The following CYRIB variants were observed in gnomAD, a reference collection of about 807,000 sequenced individuals.
The protein encoded by CYRIB is CYFIP related Rac1 interactor B, also known as CYFIP-related Rac1 interactor B.
CYRIB carries 8 observed loss-of-function variants against 44.2 expected under a neutral mutation model. The ratio of observed to expected loss-of-function variants is 0.18; its 90% CI spans 0.11 to 0.33. The LOEUF (loss-of-function observed/expected upper bound fraction) is 0.33. Ranked by LOEUF, CYRIB falls within the 10% of genes least tolerant of loss-of-function variation. The pLI, the probability that CYRIB is intolerant of heterozygous loss-of-function variation, is 1.00. For synonymous variants in CYRIB, 131 were observed against 127.2 expected, an observed-to-expected ratio of 1.03 and a Z score of -0.20; for missense variants, 185 against 382.8, an observed-to-expected ratio of 0.48 and a Z score of 4.31.
intron 1 of CYRIB, among the ~76,000 whole-genome samples, chr8:130,004,761 ATTTTTTTT>A (rs775327457): frequency 1.6e-5 from 2 of 123,896 alleles, no homozygotes; most frequent in East Asian, 2.2e-4. Context: ...ATTGTCAGGA[ATTTTTTTT>A]TTTTTTTTTT....
At chr8:129,961,533 T>A (rs757176102) in intron 2 of CYRIB, among the ~76,000 whole-genome samples, 1 of 152,230 alleles carries the variant, frequency 6.6e-6, no homozygotes, top group Non-Finnish European at 1.5e-5. Flanking sequence ...ACTCCCATTA[T>A]CATAGATCTG....
At chr8:129,883,221 T>C (rs762334513) in intron 2 of CYRIB, among the ~76,000 whole-genome samples, 2 of 151,882 alleles carry the variant, frequency 1.3e-5, no homozygotes, top group Non-Finnish European at 2.9e-5. Flanking sequence ...TCTTTTGTTA[T>C]TGGAGTCTGT....
chr8:129,985,251 G>A (rs983242391), intron 1 of CYRIB, among the ~76,000 whole-genome samples: 6 of 152,240 alleles, frequency 3.9e-5, no homozygotes, highest in African/African-American at 1.4e-4. Flanking sequence ...TCATCCAGCG[G>A]ATGGGATGGG....
At chr8:130,012,585 C>T (rs1253742664) in intron 1 of CYRIB, among the ~76,000 whole-genome samples, 1 of 152,106 alleles carries the variant, frequency 6.6e-6, no homozygotes, top group Non-Finnish European at 1.5e-5. Context: ...CTGGGTTGAT[C>T]GTCACAGCAA....
chr8:129,876,620 C>T (rs950702409), intron 3 of CYRIB, among the ~76,000 whole-genome samples: 3 of 152,066 alleles, frequency 2.0e-5, no homozygotes, highest in African/African-American at 7.2e-5. Context: ...CTACAAGATT[C>T]CATTAAATTA....
At chr8:129,903,742 A>G (rs2073660075) in intron 1 of CYRIB, among the ~76,000 whole-genome samples, 1 of 152,216 alleles carries the variant, frequency 6.6e-6, no homozygotes, top group Admixed American at 6.5e-5. Context: ...AGGCATATTT[A>G]TATTTCTTAT....
intron 3 of CYRIB, 75 bp downstream of exon 5, chr8:129,879,314 G>A (rs900419422): frequency 1.0e-6 from 1 of 984,360 alleles, no homozygotes; most frequent in Admixed American, 2.1e-5. Flanking sequence ...TGGCAAAGTG[G>A]AAACATTCAT....
chr8:129,988,850 A>T (rs916805977), intron 1 of CYRIB, among the ~76,000 whole-genome samples: 1 of 152,124 alleles, frequency 6.6e-6, no homozygotes, highest in Non-Finnish European at 1.5e-5. Context: ...TAAGGAAAAA[A>T]TCTACAAAGA....
chr8:129,851,010 T>C (rs949436505), intron 8 of CYRIB, 96 bp from the exon 11 acceptor site: 34 of 775,384 alleles, frequency 4.4e-5, no homozygotes, highest in Middle Eastern at 3.6e-4. Context: ...AATTAGCAAC[T>C]TTAAAACCTG....
intron 2 of CYRIB, among the ~76,000 whole-genome samples, chr8:129,947,117 G>C (rs1364409088): frequency 4.6e-5 from 7 of 151,952 alleles, no homozygotes; most frequent in Admixed American, 4.6e-4. Context: ...GAGTGCAGTG[G>C]TGCGATCTCG....
At chr8:129,887,146 G>A (rs923411640) in intron 2 of CYRIB, among the ~76,000 whole-genome samples, 6 of 152,264 alleles carry the variant, frequency 3.9e-5, no homozygotes, top group African/African-American at 1.2e-4. Flanking sequence ...GGCCAAGAGG[G>A]GAAGAATGGT....
At chr8:129,929,431 C>T (rs1404297713) in intron 1 of CYRIB, among the ~76,000 whole-genome samples, 1 of 152,040 alleles carries the variant, frequency 6.6e-6, no homozygotes, top group Non-Finnish European at 1.5e-5. Flanking sequence ...ACATCCTAGA[C>T]TATGGTAATG....
At chr8:129,861,257 A>C (rs959962618) in intron 5 of CYRIB, among the ~76,000 whole-genome samples, 2 of 152,196 alleles carry the variant, frequency 1.3e-5, no homozygotes, top group African/African-American at 4.8e-5. Flanking sequence ...TAACTGGCTA[A>C]ATCTTACCTG....
chr8:129,988,813 C>G (rs924131546), intron 1 of CYRIB, among the ~76,000 whole-genome samples: 3 of 151,686 alleles, frequency 2.0e-5, no homozygotes, highest in Non-Finnish European at 4.4e-5. Flanking sequence ...GAAAAACGAC[C>G]AGATGTGTAC....
intron 11 of CYRIB, among the ~76,000 whole-genome samples, chr8:129,843,135 C>T (rs538995932): frequency 6.6e-6 from 1 of 152,286 alleles, no homozygotes; most frequent in South Asian, 2.1e-4. Context: ...GATAATGATA[C>T]ACTAATATTA....
intron 1 of CYRIB, among the ~76,000 whole-genome samples, chr8:130,001,045 G>A (rs1458163282): frequency 3.3e-5 from 5 of 152,216 alleles, no homozygotes; most frequent in Non-Finnish European, 5.9e-5. Context: ...CATTGAATCC[G>A]AACCCTTCCA....
At chr8:129,988,036 C>G (rs1003876778) in intron 1 of CYRIB, among the ~76,000 whole-genome samples, 2 of 152,188 alleles carry the variant, frequency 1.3e-5, no homozygotes, top group South Asian at 2.1e-4. Flanking sequence ...ACAGACAACA[C>G]GAGGCGGTGT....
intron 1 of CYRIB, among the ~76,000 whole-genome samples, chr8:129,931,517 A>G (rs2091344407): frequency 6.6e-6 from 1 of 152,224 alleles, no homozygotes; most frequent in Admixed American, 6.5e-5. Context: ...TCTTTGAGAA[A>G]ATTAATCTCA....
At chr8:130,003,599 G>A (rs551202982) in intron 1 of CYRIB, among the ~76,000 whole-genome samples, 9 of 152,306 alleles carry the variant, frequency 5.9e-5, no homozygotes, top group Non-Finnish European at 1.3e-4. Flanking sequence ...ATGCATGCGA[G>A]GATAAGCTCC....
Sources: gnomAD v4.1 joint callset for allele counts (sites outside exome capture counted in the v4.1 genomes callset) on GRCh38, gnomAD v4.1.1 for gene constraint, MANE v1.5 for transcripts, NCBI Gene and HGNC (gene_info 2026-07-23, HGNC 2026-07-21) for gene names.